THSD4: variants seen among roughly 807,000 people sequenced by gnomAD.
The protein encoded by THSD4 is thrombospondin type 1 domain containing 4.
In THSD4, 69 loss-of-function variants were observed where a neutral mutation model predicts 119.0. That is an observed-to-expected ratio of 0.58 (90% CI 0.48 to 0.71). The LOEUF (loss-of-function observed/expected upper bound fraction) is 0.71, where lower values mean the gene tolerates loss of function less well. Ranked by LOEUF, THSD4 falls within the 30% of genes least tolerant of loss-of-function variation. The pLI is 0.00. For missense variants in THSD4, 1,393 were observed against 1,391.1 expected, an observed-to-expected ratio of 1.00 and a Z score of -0.02; for synonymous variants, 524 against 540.4, an observed-to-expected ratio of 0.97 and a Z score of 0.42.
intron 6 of THSD4, among the ~76,000 whole-genome samples, chr15:71,265,245 T>C (rs901831056): frequency 6.6e-6 from 1 of 152,002 alleles, no homozygotes; most frequent in Non-Finnish European, 1.5e-5. Flanking sequence ...CATTTCCAAC[T>C]GAGGTACCCA....
chr15:71,202,956 C>T (rs941884045), intron 3 of THSD4, among the ~76,000 whole-genome samples: 1 of 152,124 alleles, frequency 6.6e-6, no homozygotes, highest in African/African-American at 2.4e-5. Context: ...ATGATTCCTG[C>T]CCTGGGGAGC....
intron 6 of THSD4, among the ~76,000 whole-genome samples, chr15:71,298,903 C>T (rs1432712105): frequency 6.6e-6 from 1 of 152,204 alleles, no homozygotes; most frequent in Non-Finnish European, 1.5e-5. Context: ...GTGAGCCGTG[C>T]ACACAGCCCA....
At chr15:71,705,734 A>C (rs3941337) in intron 8 of THSD4, among the ~76,000 whole-genome samples, 2 of 152,216 alleles carry the variant, frequency 1.3e-5, no homozygotes, top group Non-Finnish European at 2.9e-5. Flanking sequence ...CAATGACTAC[A>C]TCATGGTCAC....
At chr15:71,228,351 C>T (rs1216005750) in intron 4 of THSD4, among the ~76,000 whole-genome samples, 1 of 152,156 alleles carries the variant, frequency 6.6e-6, no homozygotes, top group African/African-American at 2.4e-5. Context: ...GGCCAGGAAA[C>T]AGATCCTCCC....
At position 71,285,825 on chromosome 15, in the gene THSD4, G is replaced by T. The variant is rs574910669; in HGVS notation, c.1015+29110G>T. On this transcript the variant is annotated intron_variant, in intron 6 of 17. Coordinates refer to ENST00000261862, the MANE Select transcript of THSD4 (RefSeq NM_024817.3). ...GCCGAAATTGTGCTACTGCACTCCA[G>T]CCTGGGTGACAGAGCGAGACTCCGT... is the stretch of plus-strand genomic sequence containing the variant. Among the ~76,000 whole-genome samples the T allele has an allele frequency of 3.4e-5, 4 of 115,988 alleles. No individual in the cohort carries two copies. The Admixed American group carries it at 5.3e-4, about 15-fold the overall frequency. 76.1% of individuals were successfully genotyped at this position (115,988 alleles called of 152,430 possible).
intron 7 of THSD4, among the ~76,000 whole-genome samples, chr15:71,594,530 G>T (rs1174412976): frequency 1.3e-5 from 2 of 152,054 alleles, no homozygotes; most frequent in Non-Finnish European, 2.9e-5. Flanking sequence ...AGAGTATCCA[G>T]CCCGACCCAG....
At chr15:71,235,463 C>T (rs1223390841) in intron 4 of THSD4, among the ~76,000 whole-genome samples, 2 of 152,152 alleles carry the variant, frequency 1.3e-5, no homozygotes. Flanking sequence ...TCAGCTTTCT[C>T]CAACAATAAA....
intron 4 of THSD4, among the ~76,000 whole-genome samples, chr15:71,240,126 T>A (rs116923275): frequency 3.3e-5 from 5 of 152,304 alleles, no homozygotes; most frequent in Non-Finnish European, 7.4e-5. Flanking sequence ...AAAATATACA[T>A]TGGTGCTTGT....
chr15:71,262,144 T>C (rs972488292), intron 6 of THSD4, among the ~76,000 whole-genome samples: 11 of 152,220 alleles, frequency 7.2e-5, no homozygotes, highest in Non-Finnish European at 1.0e-4. Context: ...CCACATAGAA[T>C]AGTAAAAGCG....
intron 8 of THSD4, among the ~76,000 whole-genome samples, chr15:71,697,144 G>T (rs1295362769): frequency 6.6e-6 from 1 of 152,194 alleles, no homozygotes; most frequent in Non-Finnish European, 1.5e-5. Flanking sequence ...ACAAGTTATT[G>T]TATAGAATGG....
At chr15:71,325,104 C>T (rs146850090) in intron 6 of THSD4, among the ~76,000 whole-genome samples, 33 of 152,254 alleles carry the variant, frequency 2.2e-4, no homozygotes, top group African/African-American at 7.5e-4. Flanking sequence ...TGTATATCTT[C>T]TTTAAAGAAA....
chr15:71,498,831 G>C (rs927390654), intron 7 of THSD4, among the ~76,000 whole-genome samples: 1 of 151,126 alleles, frequency 6.6e-6, no homozygotes, highest in Non-Finnish European at 1.5e-5. Flanking sequence ...AAGTAGCTGG[G>C]ACCACAGGCA....
chr15:71,279,227 G>T (rs756899008), intron 6 of THSD4, among the ~76,000 whole-genome samples: 46 of 152,196 alleles, frequency 3.0e-4, no homozygotes, highest in South Asian at 4.1e-4. Context: ...CATATCAGAT[G>T]TGTACAGCTC....
intron 7 of THSD4, among the ~76,000 whole-genome samples, chr15:71,528,790 A>AGG (rs763171474): frequency 3.0e-4 from 46 of 152,348 alleles, no homozygotes; most frequent in Non-Finnish European, 2.1e-4. Flanking sequence ...GCAGGAGCAG[A>AGG]GGGGGAAATC....
At chr15:71,674,720 T>A (rs1443392840) in intron 8 of THSD4, among the ~76,000 whole-genome samples, 2 of 152,106 alleles carry the variant, frequency 1.3e-5, no homozygotes, top group Non-Finnish European at 2.9e-5. Flanking sequence ...CCCCATACAT[T>A]TGGCAATGGC....
chr15:71,749,738 G>A (rs77652229), intron 14 of THSD4, among the ~76,000 whole-genome samples: 4,004 of 24,612 alleles, frequency 0.16, 98 homozygotes, highest in Non-Finnish European at 0.24. Context: ...TATTTATTTT[G>A]AGACCGGGTC....
intron 7 of THSD4, among the ~76,000 whole-genome samples, chr15:71,496,488 C>T (rs1440801290): frequency 1.3e-5 from 2 of 152,162 alleles, no homozygotes; most frequent in Non-Finnish European, 2.9e-5. Flanking sequence ...CAGCTTTCAT[C>T]CAGGTTGCCT....
At chr15:71,329,807 G>A (rs529368157) in intron 6 of THSD4, among the ~76,000 whole-genome samples, 4 of 152,324 alleles carry the variant, frequency 2.6e-5, no homozygotes, top group Admixed American at 1.3e-4. Flanking sequence ...TGGGCTGGGC[G>A]TGGTGGCTCA....
intron 6 of THSD4, among the ~76,000 whole-genome samples, chr15:71,325,171 T>C (rs1385641066): frequency 1.3e-5 from 2 of 152,246 alleles, no homozygotes; most frequent in Admixed American, 1.3e-4. Context: ...CCCTTCTTGC[T>C]GAAGATGTGG....
Sources: gnomAD v4.1 joint callset for allele counts (sites outside exome capture counted in the v4.1 genomes callset) on GRCh38, gnomAD v4.1.1 for gene constraint, MANE v1.5 for transcripts, NCBI Gene and HGNC (gene_info 2026-07-23, HGNC 2026-07-21) for gene names.